UGGT2: variants seen among roughly 807,000 people sequenced by gnomAD.
The protein encoded by UGGT2 is UDP-glucose glycoprotein glucosyltransferase 2.
Under a neutral mutation model 192.1 loss-of-function variants are expected in UGGT2, and 180 were observed. The ratio of observed to expected loss-of-function variants is 0.94; its 90% CI spans 0.83 to 1.06. UGGT2 has a LOEUF of 1.06. Ranked by LOEUF, UGGT2 falls within the 50% of genes least tolerant of loss-of-function variation. UGGT2 has a pLI of 0.00. For synonymous variants in UGGT2, 580 were observed against 591.0 expected (o/e 0.98, Z 0.27); for missense variants, 1,849 against 1,795.7 (o/e 1.03, Z -0.54).
chr13:95,900,969 A>T, intron 21 of UGGT2, 31 bp from the exon 22 acceptor site: 1 of 1,456,074 alleles, frequency 6.9e-7, no homozygotes, highest in East Asian at 2.4e-5. Context: ...GATGAAACTA[A>T]TATGAGAACA....
chr13:95,962,137 A>G (rs1366656983), intron 12 of UGGT2, among the ~76,000 whole-genome samples: 1 of 152,116 alleles, frequency 6.6e-6, no homozygotes, highest in Non-Finnish European at 1.5e-5. Context: ...AAAAGGAGAA[A>G]GATTCAAATA....
At chr13:96,007,923 A>G (rs554738496) in intron 5 of UGGT2, among the ~76,000 whole-genome samples, 1 of 152,344 alleles carries the variant, frequency 6.6e-6, no homozygotes, top group South Asian at 2.1e-4. Context: ...CAAACATGCC[A>G]GGATCATACA....
chr13:95,883,362 G>GAGGACAATAAGGAGAAGGAAGTA (rs553378804), intron 27 of UGGT2, among the ~76,000 whole-genome samples: 2 of 152,190 alleles, frequency 1.3e-5, no homozygotes, highest in Non-Finnish European at 2.9e-5. Flanking sequence ...AGGTCAGAGG[G>GAGGACAATAAGGAGAAGGAAGTA]AGGACAATAA....
intron 37 of UGGT2, among the ~76,000 whole-genome samples, chr13:95,835,384 C>A (rs1276327076): frequency 6.6e-6 from 1 of 151,988 alleles, no homozygotes; most frequent in Non-Finnish European, 1.5e-5. Context: ...CCCAAAATGA[C>A]CTACACCACT....
intron 38 of UGGT2, among the ~76,000 whole-genome samples, chr13:95,814,296 G>C (rs1042382584): frequency 6.6e-6 from 1 of 152,204 alleles, no homozygotes; most frequent in African/African-American, 2.4e-5. Context: ...TAGCCTCGGG[G>C]GTTGAACACG....
At chr13:95,972,350 A>G (rs902940015) in intron 11 of UGGT2, among the ~76,000 whole-genome samples, 2 of 152,228 alleles carry the variant, frequency 1.3e-5, no homozygotes, top group Non-Finnish European at 2.9e-5. Flanking sequence ...ATAACAAAGT[A>G]ATTATAGGTC....
At chr13:95,914,101 A>G (rs1414700379) in intron 20 of UGGT2, among the ~76,000 whole-genome samples, 2 of 152,066 alleles carry the variant, frequency 1.3e-5, no homozygotes, top group Non-Finnish European at 2.9e-5. Context: ...CTGTTGAGGG[A>G]TGGGGGCCTG....
At chr13:95,995,109 T>C (rs938403643) in intron 7 of UGGT2, among the ~76,000 whole-genome samples, 7 of 152,014 alleles carry the variant, frequency 4.6e-5, no homozygotes, top group Non-Finnish European at 7.4e-5. Flanking sequence ...AAAATAAACT[T>C]CGACAGTAAG....
At chr13:95,984,847 A>G (rs1347571706) in intron 9 of UGGT2, 1 of 152,312 alleles carries the variant, frequency 6.6e-6, no homozygotes, top group East Asian at 1.9e-4. Flanking sequence ...ACAGCCCACA[A>G]TAAGTATATA....
intron 17 of UGGT2, among the ~76,000 whole-genome samples, chr13:95,927,838 G>C (rs2049079705): frequency 6.6e-6 from 1 of 152,086 alleles, no homozygotes; most frequent in Admixed American, 6.5e-5. Context: ...GTGTCCCTGG[G>C]TACTTGAGAT....
intron 5 of UGGT2, among the ~76,000 whole-genome samples, chr13:96,007,907 C>T (rs1340533813): frequency 6.6e-6 from 1 of 152,140 alleles, no homozygotes; most frequent in Non-Finnish European, 1.5e-5. Context: ...ACCAACTCAT[C>T]TTCGACAAAC....
At chr13:96,037,238 G>A (rs567349860) in intron 1 of UGGT2, among the ~76,000 whole-genome samples, 9 of 151,142 alleles carry the variant, frequency 6.0e-5, no homozygotes, top group East Asian at 2.0e-4. Flanking sequence ...TTGCTCTGTC[G>A]CCCAGGCTGG....
chr13:95,880,740 T>C (rs1270765887), intron 27 of UGGT2, among the ~76,000 whole-genome samples: 1 of 152,222 alleles, frequency 6.6e-6, no homozygotes, highest in East Asian at 1.9e-4. Context: ...TTATGTCACT[T>C]AGTGACCCCA....
intron 17 of UGGT2, among the ~76,000 whole-genome samples, chr13:95,930,401 T>G (rs2049209052): frequency 6.7e-6 from 1 of 149,144 alleles, no homozygotes; most frequent in Non-Finnish European, 1.5e-5. Flanking sequence ...TAGTTTTAAG[T>G]CTTATACTTA....
At chr13:95,983,919 C>T (rs1218647436) in intron 9 of UGGT2, 55 bp from the exon 10 acceptor site, 1 of 1,155,730 alleles carries the variant, frequency 8.7e-7, no homozygotes, top group Non-Finnish European at 1.2e-6. Flanking sequence ...TAGAACTGAT[C>T]TATATAACCC....
chr13:95,808,048 T>C (rs115213324), intron 38 of UGGT2, among the ~76,000 whole-genome samples: 1,958 of 152,202 alleles, frequency 0.013, 39 homozygotes, highest in African/African-American at 0.045. Context: ...TGGGGGCCGA[T>C]AGACACCTCC....
intron 36 of UGGT2, among the ~76,000 whole-genome samples, chr13:95,847,807 T>C (rs1566583535): frequency 6.6e-6 from 1 of 152,242 alleles, no homozygotes; most frequent in African/African-American, 2.4e-5. Context: ...TTCAACTCCT[T>C]TGAGTAAATT....
rs373406518 is a variant in UGGT2, at chr13:95,848,197, A to G, written c.4284+5346T>C. Among the ~76,000 whole-genome samples, 11 of 152,252 alleles carry G rather than the reference A, an allele frequency of 7.2e-5. No homozygotes were observed. The East Asian group carries it at 9.6e-4, about 13-fold the overall frequency. ...TTTAGAGTTCTTTGCATTTTTTTGG[A>G]TAACACTCCTTTATCAGATGCATCT... On this transcript the variant is annotated intron_variant, in intron 36 of 38. Coordinates refer to ENST00000376747, the MANE Select transcript of UGGT2 (RefSeq NM_020121.4).
intron 13 of UGGT2, 86 bp from the exon 14 acceptor site, chr13:95,948,167 G>C: frequency 1.0e-6 from 1 of 966,760 alleles, no homozygotes; most frequent in Middle Eastern, 3.6e-4. Context: ...GTGACTGAAA[G>C]TATGAAATTC....
Sources: gnomAD v4.1 joint callset for allele counts (sites outside exome capture counted in the v4.1 genomes callset) on GRCh38, gnomAD v4.1.1 for gene constraint, MANE v1.5 for transcripts, NCBI Gene and HGNC (gene_info 2026-07-23, HGNC 2026-07-21) for gene names.